The following FBXO34 variants were observed in gnomAD, a reference collection of about 807,000 sequenced individuals.
FBXO34 encodes the protein F-box only protein 34.
Under a neutral mutation model 24.5 loss-of-function variants are expected in FBXO34, and 12 were observed. The ratio of observed to expected loss-of-function variants is 0.49; its 90% CI spans 0.31 to 0.79. The LOEUF (loss-of-function observed/expected upper bound fraction) is 0.79. FBXO34 is among the 30% of genes least tolerant of loss of function. The pLI, the probability that FBXO34 is intolerant of heterozygous loss-of-function variation, is 0.04. For missense variants in FBXO34, 823 were observed against 857.7 expected (o/e 0.96, Z 0.51); for synonymous variants, 320 against 311.9 (o/e 1.03, Z -0.27).
At chr14:55,437,771 G>T in the FBXO34 span, among the ~76,000 whole-genome samples, 2 of 152,250 alleles carry the variant, frequency 1.3e-5, no homozygotes, top group South Asian at 2.1e-4. Flanking sequence ...AATGAAGGAA[G>T]TTTAAGATAT....
At chr14:55,293,334 C>T (rs1310665515) in intron 1 of FBXO34, among the ~76,000 whole-genome samples, 6 of 152,142 alleles carry the variant, frequency 3.9e-5, no homozygotes, top group African/African-American at 1.4e-4. Flanking sequence ...TGTGCCACCA[C>T]ACCCAGCTAA....
the FBXO34 span, chr14:55,385,723 A>T: frequency 1.2e-6 from 1 of 838,864 alleles, no homozygotes; most frequent in Non-Finnish European, 1.8e-6. Context: ...GTTTGTTGAA[A>T]CAGATAAGAC....
chr14:55,409,505 T>C, the FBXO34 span, among the ~76,000 whole-genome samples: 1 of 151,920 alleles, frequency 6.6e-6, no homozygotes, highest in East Asian at 1.9e-4. Context: ...TAAATACGCA[T>C]GAGGTTAGCA....
At chr14:55,280,024 G>T (rs1225899148) in intron 1 of FBXO34, among the ~76,000 whole-genome samples, 1 of 152,178 alleles carries the variant, frequency 6.6e-6, no homozygotes, top group Non-Finnish European at 1.5e-5. Flanking sequence ...TAAACCTCCA[G>T]TGTGGTAGTG....
the FBXO34 span, chr14:55,395,926 G>A: frequency 6.4e-7 from 1 of 1,565,746 alleles, no homozygotes; most frequent in Non-Finnish European, 8.7e-7. Flanking sequence ...AAAAGAACAT[G>A]TATTACAACT....
intron 1 of FBXO34, among the ~76,000 whole-genome samples, chr14:55,349,937 A>G (rs1207970045): frequency 6.6e-6 from 1 of 152,082 alleles, no homozygotes; most frequent in Non-Finnish European, 1.5e-5. Context: ...GGCTGTTTGC[A>G]ACTAATAAAA....
the FBXO34 span, chr14:55,435,996 C>T: frequency 1.3e-5 from 10 of 784,362 alleles, no homozygotes; most frequent in Non-Finnish European, 1.9e-5. Flanking sequence ...AAAAAAAAGA[C>T]AACTTATTTT....
At chr14:55,415,238 C>T in the FBXO34 span, among the ~76,000 whole-genome samples, 1 of 152,076 alleles carries the variant, frequency 6.6e-6, no homozygotes, top group African/African-American at 2.4e-5. Flanking sequence ...ATTTTGTGGG[C>T]TGGAGGCAAG....
the FBXO34 span, among the ~76,000 whole-genome samples, chr14:55,409,701 C>A: frequency 2.6e-5 from 4 of 152,068 alleles, no homozygotes; most frequent in African/African-American, 9.7e-5. Context: ...AGTGGCACAG[C>A]AGATTAGGTA....
At chr14:55,416,057 C>T in the FBXO34 span, among the ~76,000 whole-genome samples, 1 of 151,948 alleles carries the variant, frequency 6.6e-6, no homozygotes, top group Admixed American at 6.6e-5. Context: ...AGACAGAATT[C>T]AGATTGGTAG....
intron 1 of FBXO34, among the ~76,000 whole-genome samples, chr14:55,340,453 C>T (rs1172962316): frequency 6.6e-6 from 1 of 150,910 alleles, no homozygotes; most frequent in Non-Finnish European, 1.5e-5. Flanking sequence ...CCCTGTATTG[C>T]TCAGTCTGAT....
chr14:55,393,200 T>C, the FBXO34 span, among the ~76,000 whole-genome samples: 129 of 149,028 alleles, frequency 8.7e-4, no homozygotes, highest in African/African-American at 3.0e-3. Flanking sequence ...GCTAACACGG[T>C]GAAACCCCGT....
downstream of FBXO34, among the ~76,000 whole-genome samples, chr14:55,355,975 G>A (rs768362818): frequency 6.6e-6 from 1 of 152,206 alleles, no homozygotes; most frequent in Non-Finnish European, 1.5e-5. Context: ...AACTCCCACT[G>A]CAGCTATGTG....
Position 55,350,687 on chromosome 14 carries a change from CGAA to C in FBXO34, c.305_307del (p.Glu102del), listed in dbSNP as rs772683973. On this transcript the variant is annotated inframe_deletion, in exon 2 of 2. Transcript: ENST00000313833. Reference sequence around the variant, plus strand: ...CACCATCTGCAACGATCCACCAGGGCGAAGAAGAAGGACCACTTGATATCTGGG... The same window carrying C: ...CACCATCTGCAACGATCCACCAGGGCGAAGAAGGACCACTTGATATCTGGG... The C allele has an allele frequency of 1.7e-5, 28 of 1,613,474 alleles. No individual in the cohort carries two copies. In the South Asian group the frequency reaches 2.4e-4, roughly 14 times the overall value.
intron 1 of FBXO34, among the ~76,000 whole-genome samples, chr14:55,322,356 A>G (rs1044500751): frequency 5.9e-5 from 9 of 152,004 alleles, no homozygotes; most frequent in African/African-American, 2.2e-4. Context: ...AACAACAAAA[A>G]AAGACATCTT....
chr14:55,364,951 C>T (rs903064091), downstream of FBXO34, among the ~76,000 whole-genome samples: 1 of 150,654 alleles, frequency 6.6e-6, no homozygotes, highest in African/African-American at 2.4e-5. Flanking sequence ...GGCGCAGTGG[C>T]TCACGCCCGT....
At chr14:55,331,719 A>G (rs561823201) in intron 1 of FBXO34, among the ~76,000 whole-genome samples, 601 of 41,888 alleles carry the variant, frequency 0.014, 128 homozygotes, top group Non-Finnish European at 0.02. Context: ...ATATATATGT[A>G]TATATATATG....
the FBXO34 span, among the ~76,000 whole-genome samples, chr14:55,398,446 T>C: frequency 6.6e-6 from 1 of 152,226 alleles, no homozygotes; most frequent in Non-Finnish European, 1.5e-5. Flanking sequence ...AGCTATATCC[T>C]AAGATTTGAT....
chr14:55,278,164 G>A (rs1052235591), intron 1 of FBXO34, among the ~76,000 whole-genome samples: 1 of 152,148 alleles, frequency 6.6e-6, no homozygotes, highest in African/African-American at 2.4e-5. Flanking sequence ...GGTCATATGT[G>A]AAACCTTAGC....
Sources: gnomAD v4.1 joint callset for allele counts (sites outside exome capture counted in the v4.1 genomes callset) on GRCh38, gnomAD v4.1.1 for gene constraint, MANE v1.5 for transcripts, NCBI Gene and HGNC (gene_info 2026-07-23, HGNC 2026-07-21) for gene names.